Variants in OPCML observed in about 807,000 individuals in gnomAD.
OPCML encodes the protein opioid binding protein/cell adhesion molecule like.
In OPCML, 13 loss-of-function variants were observed where a neutral mutation model predicts 37.8. The observed-to-expected ratio is 0.34, with a 90% CI of 0.22 to 0.55. The LOEUF (loss-of-function observed/expected upper bound fraction) is 0.55, where lower values mean the gene tolerates loss of function less well. Ranked by LOEUF, OPCML falls within the 20% of genes least tolerant of loss-of-function variation. The pLI, the probability that OPCML is intolerant of heterozygous loss-of-function variation, is 0.91. For synonymous variants in OPCML, 176 were observed against 168.8 expected (o/e 1.04, Z -0.33); for missense variants, 341 against 435.6 (o/e 0.78, Z 1.93).
At chr11:132,698,528 A>G (rs913437018) in intron 2 of OPCML, among the ~76,000 whole-genome samples, 5 of 152,164 alleles carry the variant, frequency 3.3e-5, no homozygotes, top group Admixed American at 2.0e-4. Flanking sequence ...TATATTTCGG[A>G]TATTAATGCC....
At chr11:132,745,531 T>G (rs1945589142) in intron 2 of OPCML, among the ~76,000 whole-genome samples, 1 of 141,876 alleles carries the variant, frequency 7.0e-6, no homozygotes, top group Admixed American at 7.2e-5. Flanking sequence ...TGGCAACCAT[T>G]TAAAAGTGCT....
chr11:133,257,708 G>A (rs539922060), intron 1 of OPCML, among the ~76,000 whole-genome samples: 3 of 152,296 alleles, frequency 2.0e-5, no homozygotes, highest in Non-Finnish European at 4.4e-5. Flanking sequence ...AGGCTGTATA[G>A]GTCCCATTCT....
intron 1 of OPCML, among the ~76,000 whole-genome samples, chr11:133,145,802 G>T (rs987651473): frequency 2.0e-5 from 3 of 152,200 alleles, no homozygotes; most frequent in Admixed American, 6.5e-5. Flanking sequence ...CAATGGGCAG[G>T]CTGTGGTTGC....
At chr11:132,703,721 T>C (rs1272206145) in intron 2 of OPCML, among the ~76,000 whole-genome samples, 1 of 152,170 alleles carries the variant, frequency 6.6e-6, no homozygotes, top group African/African-American at 2.4e-5. Context: ...CTGGAGCCTG[T>C]GTCCACTGAG....
intron 3 of OPCML, among the ~76,000 whole-genome samples, chr11:132,537,232 G>A (rs570656346): frequency 2.0e-5 from 3 of 152,268 alleles, no homozygotes; most frequent in African/African-American, 7.2e-5. Flanking sequence ...TCAGCATAAG[G>A]ATAGGCATAT....
At chr11:132,672,058 A>C (rs1942500147) in intron 2 of OPCML, among the ~76,000 whole-genome samples, 1 of 152,096 alleles carries the variant, frequency 6.6e-6, no homozygotes, top group Non-Finnish European at 1.5e-5. Flanking sequence ...CACTCAACAG[A>C]TCTGCTGTCT....
chr11:132,605,572 TAAATAAATAA>T (rs1213886150), intron 3 of OPCML, among the ~76,000 whole-genome samples: 1 of 151,842 alleles, frequency 6.6e-6, no homozygotes, highest in Non-Finnish European at 1.5e-5. Context: ...GTCAAAAAAA[TAAATAAATAA>T]AAATAAATAA....
At chr11:132,967,432 A>G (rs913648803) in intron 1 of OPCML, among the ~76,000 whole-genome samples, 2 of 152,122 alleles carry the variant, frequency 1.3e-5, no homozygotes, top group Non-Finnish European at 2.9e-5. Flanking sequence ...GAAAACAAGT[A>G]TCTATTTATA....
intron 3 of OPCML, among the ~76,000 whole-genome samples, chr11:132,620,650 T>C (rs764284710): frequency 5.9e-5 from 9 of 152,202 alleles, no homozygotes; most frequent in Admixed American, 5.2e-4. Flanking sequence ...CCATGCAGGA[T>C]GTCTACAAAG....
At chr11:132,993,155 T>A (rs1414931421) in intron 1 of OPCML, among the ~76,000 whole-genome samples, 1 of 152,168 alleles carries the variant, frequency 6.6e-6, no homozygotes, top group Admixed American at 6.5e-5. Context: ...AACTATGTCA[T>A]CCTTAGTGCA....
intron 1 of OPCML, among the ~76,000 whole-genome samples, chr11:133,265,608 T>C (rs965618342): frequency 6.6e-6 from 1 of 152,188 alleles, no homozygotes; most frequent in African/African-American, 2.4e-5. Context: ...TGATTATTTT[T>C]GAAACAAGAC....
At chr11:132,629,919 G>A (rs1939988403) in intron 3 of OPCML, among the ~76,000 whole-genome samples, 1 of 152,168 alleles carries the variant, frequency 6.6e-6, no homozygotes, top group African/African-American at 2.4e-5. Context: ...TGTAAAAATT[G>A]TTAACCTAAG....
At chr11:132,865,736 C>A (rs76653820) in intron 2 of OPCML, among the ~76,000 whole-genome samples, 14,568 of 152,134 alleles carry the variant, frequency 0.096, 767 homozygotes, top group Middle Eastern at 0.17. Context: ...GCTGTCATGA[C>A]GATGCAGCTC....
At chr11:132,811,543 A>G (rs1939341671) in intron 2 of OPCML, among the ~76,000 whole-genome samples, 1 of 152,164 alleles carries the variant, frequency 6.6e-6, no homozygotes, top group South Asian at 2.1e-4. Flanking sequence ...GGACATGTCA[A>G]CACCTCTTTC....
chr11:132,965,528 G>GT (rs776811312), intron 1 of OPCML, among the ~76,000 whole-genome samples: 1 of 151,846 alleles, frequency 6.6e-6, no homozygotes, highest in African/African-American at 2.4e-5. Context: ...GTTGTTTGTT[G>GT]TTTTTTGTTT....
intron 2 of OPCML, chr11:132,860,157 T>C (rs1392517720): frequency 6.6e-6 from 1 of 152,202 alleles, no homozygotes; most frequent in African/African-American, 2.4e-5. Flanking sequence ...ATTATGTAAG[T>C]AAATATTTCT....
At chr11:133,159,354 A>G (rs1442005275) in intron 1 of OPCML, among the ~76,000 whole-genome samples, 2 of 152,180 alleles carry the variant, frequency 1.3e-5, no homozygotes, top group Non-Finnish European at 2.9e-5. Context: ...TGATCCGACA[A>G]CAAGTGGCCC....
Position 133,004,153 on chromosome 11 carries a change from A to G in OPCML, c.62-61143T>C, listed in dbSNP as rs1947062931. Reference sequence around the variant, plus strand: ...TCAAAAGCGGGAGCAGGCAGCCCAGAGAGTGGGTCTCACTCCTCTGCCGTC... The same window carrying G: ...TCAAAAGCGGGAGCAGGCAGCCCAGGGAGTGGGTCTCACTCCTCTGCCGTC... On this transcript the variant is annotated intron_variant, in intron 1 of 7. Transcript: ENST00000524381. 4.1e-6 allele frequency: 4 copies of G among 985,280 alleles called. No individual in the cohort carries two copies. In the African/African-American group the frequency reaches 5.2e-5, roughly 13 times the overall value. 61.0% of individuals were successfully genotyped at this position (985,280 alleles called of 1,614,324 possible). A position where few individuals can be genotyped will look rare whatever the true frequency, so the allele number is the denominator to read the frequency against.
chr11:132,920,310 A>G (rs1489307144), intron 2 of OPCML, among the ~76,000 whole-genome samples: 2 of 152,216 alleles, frequency 1.3e-5, no homozygotes, highest in African/African-American at 4.8e-5. Flanking sequence ...CAAAGACAAA[A>G]GGAGACTCAT....
Sources: allele counts gnomAD v4.1 joint callset (sites outside exome capture counted in the v4.1 genomes callset), GRCh38; gene constraint gnomAD v4.1.1; transcripts MANE v1.5; gene names NCBI Gene and HGNC (gene_info 2026-07-23, HGNC 2026-07-21).